PDE10A: variants seen among roughly 807,000 people sequenced by gnomAD.
The protein encoded by PDE10A is cAMP and cAMP-inhibited cGMP 3',5'-cyclic phosphodiesterase 10A.
PDE10A carries 39 observed loss-of-function variants against 97.7 expected under a neutral mutation model. The observed-to-expected ratio is 0.40, with a 90% CI of 0.31 to 0.52. The LOEUF (loss-of-function observed/expected upper bound fraction) is 0.52, where lower values mean the gene tolerates loss of function less well. Ranked by LOEUF, PDE10A falls within the 20% of genes least tolerant of loss-of-function variation. The pLI is 0.56. For missense variants in PDE10A, 731 were observed against 1,047.8 expected, an observed-to-expected ratio of 0.70 and a Z score of 4.17; for synonymous variants, 371 against 376.8, an observed-to-expected ratio of 0.98 and a Z score of 0.18.
intron 1 of PDE10A, among the ~76,000 whole-genome samples, chr6:165,612,626 C>T (rs1016945858): frequency 6.6e-6 from 1 of 152,272 alleles, no homozygotes; most frequent in South Asian, 2.1e-4. Context: ...TGCTTTGCCT[C>T]CCAAAGTGCT....
chr6:165,539,857 C>T (rs1049599093), intron 2 of PDE10A, among the ~76,000 whole-genome samples: 11 of 152,062 alleles, frequency 7.2e-5, no homozygotes, highest in Admixed American at 5.9e-4. Context: ...AACCTTGAGG[C>T]GGAGGTTGCA....
At chr6:165,482,232 T>C in intron 3 of PDE10A, 83 bp downstream of exon 3, 1 of 921,422 alleles carries the variant, frequency 1.1e-6, no homozygotes, top group Non-Finnish European at 1.8e-6. Flanking sequence ...TCTGATACTT[T>C]AATGTGTTAG....
At chr6:165,423,514 C>G (rs1231866728) in intron 10 of PDE10A, among the ~76,000 whole-genome samples, 1 of 152,142 alleles carries the variant, frequency 6.6e-6, no homozygotes, top group African/African-American at 2.4e-5. Context: ...GCCTAAATGT[C>G]AGCATCAACC....
intron 1 of PDE10A, chr6:165,774,831 C>CTTTTTTTTTTTTTTT (rs5881660): frequency 5.6e-5 from 6 of 107,884 alleles, no homozygotes; most frequent in Non-Finnish European, 9.4e-5. Flanking sequence ...ACTTTTTTTT[C>CTTTTTTTTTTTTTTT]TTTTTTTTTT....
At chr6:165,911,440 A>G (rs1782451345) in intron 1 of PDE10A, among the ~76,000 whole-genome samples, 1 of 152,192 alleles carries the variant, frequency 6.6e-6, no homozygotes, top group African/African-American at 2.4e-5. Context: ...CGAACAAACT[A>G]TGTACTTATG....
intron 1 of PDE10A, among the ~76,000 whole-genome samples, chr6:165,609,176 C>T (rs1787371886): frequency 1.3e-5 from 2 of 152,252 alleles, no homozygotes; most frequent in Non-Finnish European, 2.9e-5. Context: ...GACATGAAAT[C>T]CTTGCCCATG....
At chr6:165,537,946 A>C (rs994522369) in intron 2 of PDE10A, among the ~76,000 whole-genome samples, 1 of 151,968 alleles carries the variant, frequency 6.6e-6, no homozygotes, top group Non-Finnish European at 1.5e-5. Flanking sequence ...TATATTATTT[A>C]TTAGTATCCC....
At chr6:165,567,878 A>AT (rs1784850645) in intron 1 of PDE10A, among the ~76,000 whole-genome samples, 1 of 150,448 alleles carries the variant, frequency 6.6e-6, no homozygotes, top group African/African-American at 2.4e-5. Flanking sequence ...CTGATAATCT[A>AT]TTTATCTGCT....
At chr6:165,399,925 C>T (rs1484004729) in intron 13 of PDE10A, among the ~76,000 whole-genome samples, 1 of 152,066 alleles carries the variant, frequency 6.6e-6, no homozygotes, top group Admixed American at 6.6e-5. Context: ...ATTTATAATC[C>T]TTTGGGTATA....
chr6:165,608,339 C>A (rs1787325686), intron 1 of PDE10A, among the ~76,000 whole-genome samples: 1 of 148,140 alleles, frequency 6.8e-6, no homozygotes, highest in Non-Finnish European at 1.5e-5. Flanking sequence ...CAATTCCCAC[C>A]TATGAGTGAG....
At chr6:165,491,020 T>C (rs1780196694) in intron 2 of PDE10A, among the ~76,000 whole-genome samples, 1 of 152,056 alleles carries the variant, frequency 6.6e-6, no homozygotes, top group Admixed American at 6.6e-5. Context: ...ACCTGACTCA[T>C]AAGGACTCAC....
chr6:165,362,770 G>C (rs1783507653), intron 18 of PDE10A, among the ~76,000 whole-genome samples: 1 of 152,070 alleles, frequency 6.6e-6, no homozygotes, highest in South Asian at 2.1e-4. Flanking sequence ...AAAAAGAAAA[G>C]TACAGACCAG....
rs567483897 is a variant in PDE10A at position 165,698,368 on chromosome 6, T to C, written c.-614-154800A>G. 6.1e-4 allele frequency among the ~76,000 whole-genome samples: 93 copies of C among 152,098 alleles called. 1 individual carries two copies. The highest frequency in any genetic ancestry group is 2.1e-3 in the African/African-American group (89 of 41,480). On this transcript the variant is annotated intron_variant, in intron 1 of 19. Coordinates refer to the PDE10A transcript ENST00000366882. ...TGAAAACTGGAATAAATAACCCTAA[T>C]AAAGGCTAACACATAAGAAAAGAAC...
chr6:165,930,844 G>A (rs192875926), intron 1 of PDE10A, among the ~76,000 whole-genome samples: 90 of 152,360 alleles, frequency 5.9e-4, no homozygotes, highest in Non-Finnish European at 9.8e-4. Context: ...GACACGAGGG[G>A]AGCTTCACCG....
At chr6:165,404,734 T>A (rs1786979712) in intron 13 of PDE10A, among the ~76,000 whole-genome samples, 1 of 152,108 alleles carries the variant, frequency 6.6e-6, no homozygotes. Flanking sequence ...ATTGAGCTAA[T>A]GAAAAACACT....
intron 1 of PDE10A, among the ~76,000 whole-genome samples, chr6:165,556,366 G>A (rs1237503941): frequency 6.6e-6 from 1 of 152,142 alleles, no homozygotes; most frequent in African/African-American, 2.4e-5. Context: ...AGGGGCCAAG[G>A]GTTTGGTCAA....
At chr6:165,420,692 G>A (rs1385072376) in intron 10 of PDE10A, among the ~76,000 whole-genome samples, 4 of 152,100 alleles carry the variant, frequency 2.6e-5, no homozygotes, top group Non-Finnish European at 5.9e-5. Context: ...AATAAAATAA[G>A]CTTAGAAAGT....
chr6:165,926,658 A>G (rs945000782), intron 1 of PDE10A, among the ~76,000 whole-genome samples: 2 of 152,182 alleles, frequency 1.3e-5, no homozygotes, highest in African/African-American at 4.8e-5. Flanking sequence ...ACAGCATCCA[A>G]CCCGAGAAAA....
chr6:165,926,739 T>C (rs556443122), intron 1 of PDE10A, among the ~76,000 whole-genome samples: 1 of 152,316 alleles, frequency 6.6e-6, no homozygotes, highest in African/African-American at 2.4e-5. Flanking sequence ...GGCTCCACTA[T>C]CCTTGGATGA....
Sources: allele counts gnomAD v4.1 joint callset (sites outside exome capture counted in the v4.1 genomes callset), GRCh38; gene constraint gnomAD v4.1.1; transcripts MANE v1.5; gene names NCBI Gene and HGNC (gene_info 2026-07-23, HGNC 2026-07-21).